Variants in FRY observed in about 807,000 individuals in gnomAD.
FRY encodes the protein FRY microtubule binding protein, also known as protein furry homolog.
FRY carries 128 observed loss-of-function variants against 348.4 expected under a neutral mutation model. The ratio of observed to expected loss-of-function variants is 0.37; its 90% CI spans 0.32 to 0.43. The LOEUF (loss-of-function observed/expected upper bound fraction) is 0.43, where lower values mean the gene tolerates loss of function less well. Ranked by LOEUF, FRY falls within the 20% of genes least tolerant of loss-of-function variation. FRY has a pLI of 1.00. For missense variants in FRY, 2,736 were observed against 3,695.2 expected (o/e 0.74, Z 6.73); for synonymous variants, 1,370 against 1,374.7 (o/e 1.00, Z 0.08).
At chr13:32,145,700 G>A (rs903891064) in intron 11 of FRY, among the ~76,000 whole-genome samples, 29 of 150,858 alleles carry the variant, frequency 1.9e-4, no homozygotes, top group African/African-American at 5.4e-4. Flanking sequence ...GCCCGCCACC[G>A]CGCCCGGCTA....
chr13:32,146,559 C>T (rs1259224220), intron 11 of FRY, among the ~76,000 whole-genome samples: 1 of 152,088 alleles, frequency 6.6e-6, no homozygotes, highest in Non-Finnish European at 1.5e-5. Flanking sequence ...TGGTATTGAA[C>T]TCCTGACCTC....
chr13:32,226,002 T>C (rs1885559433), intron 39 of FRY, 28 bp downstream of exon 39: 3 of 1,602,408 alleles, frequency 1.9e-6, no homozygotes, highest in Non-Finnish European at 2.6e-6. Context: ...GTAGAGAGCC[T>C]AGGACAGTTA....
intron 17 of FRY, among the ~76,000 whole-genome samples, chr13:32,167,643 A>G (rs1189148329): frequency 6.6e-6 from 1 of 152,212 alleles, no homozygotes; most frequent in East Asian, 1.9e-4. Flanking sequence ...GGGAGACACA[A>G]AATTATGAAC....
At chr13:32,193,999 G>A (rs1278692104) in intron 28 of FRY, 144 bp from the exon 29 acceptor site, 27 of 770,850 alleles carry the variant, frequency 3.5e-5, no homozygotes, top group Non-Finnish European at 5.3e-5. Flanking sequence ...TACTCTTGAA[G>A]AATATATGAC....
In FRY at chr13:32,239,373, A is replaced by G; in HGVS notation, c.6516+24A>G. ...AGGTATGAGTTACAGTTCCACACTC[A>G]GGCAGATCCATAGAGGCCTTCAGGA... is the stretch of plus-strand genomic sequence containing the variant. On this transcript the variant is annotated intron_variant, in intron 45 of 60. Coordinates refer to ENST00000542859, the MANE Select transcript of FRY (RefSeq NM_023037.3). The surrounding 1 kb of genome is among the most constrained non-coding windows in gnomAD (Gnocchi z 4.3). 1 of 1,409,246 alleles carries G rather than the reference A, an allele frequency of 7.1e-7. No homozygotes were observed. The highest frequency in any genetic ancestry group is 1.1e-5 in the South Asian group (1 of 87,036). The allele number at this position is 1,409,246 out of a possible 1,614,324, so 87.3% of individuals were successfully genotyped here.
At chr13:32,157,225 C>A in intron 15 of FRY, 48 bp from the exon 16 acceptor site, 1 of 1,548,114 alleles carries the variant, frequency 6.5e-7, no homozygotes, top group Non-Finnish European at 8.9e-7. Context: ...ATCAGGATAT[C>A]CTTTGATAGA....
chr13:32,296,613 T>A lies in FRY; in HGVS notation c.*1153T>A, dbSNP rs75015504. On this transcript the variant is annotated 3_prime_UTR_variant, in exon 61 of 61. Coordinates refer to ENST00000542859, the MANE Select transcript of FRY (RefSeq NM_023037.3). ...ATTCTGTTCAGAACTTTCTTTAGACTAAAAAAAAAAAAAAAGACAAAATAC... is the reference window on the plus strand; with the variant it reads ...ATTCTGTTCAGAACTTTCTTTAGACAAAAAAAAAAAAAAAAGACAAAATAC... 4.9e-5 allele frequency: 7 copies of A among 144,204 alleles called. No individual in the cohort carries two copies. Among genetic ancestry groups the A allele is most frequent in the Admixed American group, 6.9e-5 (1 of 14,478 alleles). 8.9% of individuals were successfully genotyped at this position (144,204 alleles called of 1,614,324 possible). A position where few individuals can be genotyped will look rare whatever the true frequency, so the allele number is the denominator to read the frequency against.
intron 19 of FRY, 93 bp from the exon 20 acceptor site, chr13:32,175,453 A>C (rs1790290127): frequency 1.2e-6 from 1 of 818,042 alleles, no homozygotes; most frequent in African/African-American, 1.7e-5. Context: ...ACTATCTCAC[A>C]AGCTGTTCTG....
At chr13:32,077,336 CAAAGAAGTTATT>C (rs772978919) in intron 1 of FRY, among the ~76,000 whole-genome samples, 13 of 152,026 alleles carry the variant, frequency 8.6e-5, no homozygotes, top group Admixed American at 2.6e-4. Context: ...ATAATGTCCG[CAAAGAAGTTATT>C]AAAATAATCT....
Position 32,155,533 on chromosome 13 carries a change from A to G in FRY, c.1522A>G (p.Ser508Gly). 1 of 1,613,584 alleles carries G rather than the reference A, an allele frequency of 6.2e-7. No individual in the cohort carries two copies. Among genetic ancestry groups the G allele is most frequent in the Non-Finnish European group, 8.5e-7 (1 of 1,179,498 alleles). ...GLRAFLVIAD[S>G]LQQKDGEPPM... is the part of the protein sequence containing the mutation. ...ACGGGCATTCTTGGTCATAGCTGAT[A>G]GCTTGCAGCAGAAAGATGGGGAACC... Residue 508 changes from serine (S) to glycine (G), a missense_variant, in exon 15 of 61, where the codon AGC (serine) becomes GGC (glycine). By Grantham distance (56) the Ser-to-Gly change is moderately conservative (BLOSUM62 0). Around this residue, in one of 9 missense-constraint regions of FRY, gnomAD observed 191 missense variants for 370.2 expected, o/e 0.52. Transcript: ENST00000542859.
chr13:32,035,640 A>G (rs1390911062), intron 1 of FRY, among the ~76,000 whole-genome samples: 2 of 152,346 alleles, frequency 1.3e-5, no homozygotes, highest in East Asian at 1.9e-4. Context: ...ACAGGGCCCA[A>G]TGAATGAAGG....
chr13:32,147,973 G>A (rs753527661), intron 13 of FRY, 26 bp downstream of exon 13: 9 of 1,268,392 alleles, frequency 7.1e-6, no homozygotes, highest in East Asian at 6.9e-5. Flanking sequence ...CCGGTGGTGG[G>A]AATCTTCTGA....
intron 59 of FRY, among the ~76,000 whole-genome samples, chr13:32,290,426 G>A (rs1438354814): frequency 1.3e-5 from 2 of 152,150 alleles, no homozygotes; most frequent in Non-Finnish European, 2.9e-5. Context: ...TGGACTCTCA[G>A]AGGGTGAGTT....
At chr13:32,292,662 C>T (rs375230405) in intron 59 of FRY, among the ~76,000 whole-genome samples, 1 of 152,052 alleles carries the variant, frequency 6.6e-6, no homozygotes, top group African/African-American at 2.4e-5. Context: ...CATGGTAGCC[C>T]GTGCCCGTAA....
At chr13:32,183,649 G>T (rs182879938) in intron 24 of FRY, among the ~76,000 whole-genome samples, 1 of 152,028 alleles carries the variant, frequency 6.6e-6, no homozygotes, top group East Asian at 1.9e-4. Flanking sequence ...GGTGGCACGC[G>T]CCTGTAGTCC....
chr13:32,275,370 A>G (rs953808352), intron 56 of FRY, among the ~76,000 whole-genome samples: 8 of 152,186 alleles, frequency 5.3e-5, no homozygotes, highest in African/African-American at 1.9e-4. Flanking sequence ...CCTGGGCGAC[A>G]GAGCGAGACT....
chr13:32,066,458 T>G (rs930015455), intron 1 of FRY, among the ~76,000 whole-genome samples: 13 of 152,216 alleles, frequency 8.5e-5, no homozygotes, highest in African/African-American at 3.1e-4. Flanking sequence ...CTAACAGTTT[T>G]CAGTGTGTAG....
intron 2 of FRY, among the ~76,000 whole-genome samples, chr13:32,089,781 A>G (rs112700872): frequency 7.0e-6 from 1 of 142,572 alleles, no homozygotes; most frequent in East Asian, 2.3e-4. Context: ...AAAAAAGAAG[A>G]AGGAATGTCT....
At chr13:32,215,647 G>A (rs1225585951) in intron 35 of FRY, among the ~76,000 whole-genome samples, 1 of 152,172 alleles carries the variant, frequency 6.6e-6, no homozygotes, top group East Asian at 1.9e-4. Context: ...ACAGCTTACT[G>A]CGGGCTCAGC....
Sources: gnomAD v4.1 joint callset for allele counts (sites outside exome capture counted in the v4.1 genomes callset) on GRCh38, gnomAD v4.1.1 for gene constraint, gnomAD v4.1.1 regional missense constraint, Gnocchi (gnomAD v3.1) non-coding constraint, MANE v1.5 for transcripts, NCBI Gene and HGNC (gene_info 2026-07-23, HGNC 2026-07-21) for gene names.